TSHR: variants seen among roughly 807,000 people sequenced by gnomAD.
The protein encoded by TSHR is thyroid stimulating hormone receptor, also known as thyrotropin receptor.
Under a neutral mutation model 64.1 loss-of-function variants are expected in TSHR, and 51 were observed. That is an observed-to-expected ratio of 0.80 (90% confidence interval 0.64 to 1.01). The LOEUF is 1.01. Ranked by LOEUF, TSHR falls within the 50% of genes least tolerant of loss-of-function variation. TSHR has a pLI of 0.00. For synonymous variants in TSHR, 361 were observed against 361.9 expected, an observed-to-expected ratio of 1.00 and a Z score of 0.03; for missense variants, 877 against 942.8, an observed-to-expected ratio of 0.93 and a Z score of 0.91.
At chr14:80,974,870 G>A (rs1381230408) in intron 1 of TSHR, among the ~76,000 whole-genome samples, 1 of 152,218 alleles carries the variant, frequency 6.6e-6, no homozygotes, top group East Asian at 1.9e-4. Context: ...TCACGGTGAA[G>A]AGCAGAGGAC....
At chr14:81,083,275 A>T (rs1888043219) in intron 3 of TSHR, among the ~76,000 whole-genome samples, 1 of 152,244 alleles carries the variant, frequency 6.6e-6, no homozygotes, top group Admixed American at 6.5e-5. Context: ...CCCAGAATGT[A>T]GACATGTGAT....
intron 7 of TSHR, among the ~76,000 whole-genome samples, chr14:81,105,357 C>T (rs555717522): frequency 1.9e-4 from 29 of 152,332 alleles, no homozygotes; most frequent in Non-Finnish European, 3.4e-4. Flanking sequence ...GCAAGAGCAG[C>T]AAGCTGATGC....
At chr14:81,024,130 C>G (rs1330143168) in intron 1 of TSHR, among the ~76,000 whole-genome samples, 1 of 152,144 alleles carries the variant, frequency 6.6e-6, no homozygotes, top group African/African-American at 2.4e-5. Flanking sequence ...ATCACACCAT[C>G]TTTTGCTGGC....
chr14:81,043,551 C>T (rs1041656417), intron 1 of TSHR, among the ~76,000 whole-genome samples: 3 of 152,138 alleles, frequency 2.0e-5, no homozygotes, highest in Middle Eastern at 3.2e-3. Context: ...CATTAAACTA[C>T]CATTGACATG....
At chr14:81,071,500 T>G (rs1005991532) in intron 3 of TSHR, among the ~76,000 whole-genome samples, 1 of 152,212 alleles carries the variant, frequency 6.6e-6, no homozygotes, top group Non-Finnish European at 1.5e-5. Flanking sequence ...TTGGGACATC[T>G]TCATCCTTTG....
intron 8 of TSHR, among the ~76,000 whole-genome samples, chr14:81,111,527 G>A (rs1280514467): frequency 2.0e-5 from 3 of 152,174 alleles, no homozygotes; most frequent in African/African-American, 7.2e-5. Context: ...GTCTTGGTGT[G>A]GCTTGCAAGG....
chr14:81,001,317 T>A (rs890160067), intron 1 of TSHR: 3 of 281,922 alleles, frequency 1.1e-5, no homozygotes, highest in Non-Finnish European at 2.1e-5. Flanking sequence ...AGATTACTTC[T>A]CTTCAGGTTT....
chr14:81,046,548 A>G (rs564616049), intron 1 of TSHR, among the ~76,000 whole-genome samples: 1 of 152,044 alleles, frequency 6.6e-6, no homozygotes, highest in East Asian at 1.9e-4. Flanking sequence ...TCAATTACCC[A>G]TATGACAATA....
chr14:81,002,037 T>G (rs1403633437), intron 1 of TSHR, among the ~76,000 whole-genome samples: 1 of 152,170 alleles, frequency 6.6e-6, no homozygotes, highest in African/African-American at 2.4e-5. Flanking sequence ...CAACCTACAT[T>G]GCAGCAGAAT....
intron 1 of TSHR, chr14:81,032,418 T>C (rs1229519419): frequency 3.8e-6 from 1 of 263,706 alleles, no homozygotes; most frequent in African/African-American, 2.3e-5. Context: ...GTCAAAATGG[T>C]TCCAATCGCC....
At chr14:81,008,496 C>G (rs926256175) in intron 1 of TSHR, among the ~76,000 whole-genome samples, 54 of 152,222 alleles carry the variant, frequency 3.5e-4, no homozygotes, top group African/African-American at 1.3e-3. Flanking sequence ...CTAGAACCAA[C>G]AGGTAAAATT....
intron 8 of TSHR, among the ~76,000 whole-genome samples, chr14:81,136,289 T>C (rs1168272074): frequency 1.3e-5 from 2 of 152,238 alleles, no homozygotes; most frequent in Non-Finnish European, 2.9e-5. Context: ...TAAGAGATAA[T>C]GTTAGCTTGG....
chr14:81,135,370 G>C (rs1891412593), intron 8 of TSHR, among the ~76,000 whole-genome samples: 1 of 152,138 alleles, frequency 6.6e-6, no homozygotes, highest in Non-Finnish European at 1.5e-5. Context: ...GTTTTAGAAA[G>C]GACATTCTTT....
chr14:80,999,520 T>A (rs993206453), intron 1 of TSHR, among the ~76,000 whole-genome samples: 1 of 152,218 alleles, frequency 6.6e-6, no homozygotes, highest in African/African-American at 2.4e-5. Context: ...TTTCTCTCAG[T>A]TTTGTAACAT....
intron 3 of TSHR, among the ~76,000 whole-genome samples, chr14:81,074,229 A>T (rs1887325724): frequency 6.6e-6 from 1 of 152,214 alleles, no homozygotes; most frequent in Admixed American, 6.5e-5. Flanking sequence ...AATATCTTAA[A>T]GATTTAAAGG....
At chr14:81,137,193 T>C (rs1398713676) in intron 8 of TSHR, among the ~76,000 whole-genome samples, 1 of 152,340 alleles carries the variant, frequency 6.6e-6, no homozygotes, top group African/African-American at 2.4e-5. Flanking sequence ...GGAATGTGTC[T>C]CAATCTGTAT....
At chr14:80,978,837 C>A (rs1296180797) in intron 1 of TSHR, among the ~76,000 whole-genome samples, 1 of 152,172 alleles carries the variant, frequency 6.6e-6, no homozygotes, top group Non-Finnish European at 1.5e-5. Flanking sequence ...CTTCCTCTAC[C>A]TATCATTTAA....
intron 8 of TSHR, among the ~76,000 whole-genome samples, chr14:81,123,840 TG>T (rs1197600923): frequency 6.6e-6 from 1 of 152,238 alleles, no homozygotes; most frequent in African/African-American, 2.4e-5. Flanking sequence ...TTTTATTGAT[TG>T]ATTTTTAATC....
intron 1 of TSHR, among the ~76,000 whole-genome samples, chr14:81,023,797 A>G (rs1594965261): frequency 6.6e-6 from 1 of 152,068 alleles, no homozygotes; most frequent in Non-Finnish European, 1.5e-5. Flanking sequence ...CTTATCATAA[A>G]CCGAACTGCA....
Sources: gnomAD v4.1 joint callset for allele counts (sites outside exome capture counted in the v4.1 genomes callset) on GRCh38, gnomAD v4.1.1 for gene constraint, MANE v1.5 for transcripts, NCBI Gene and HGNC (gene_info 2026-07-23, HGNC 2026-07-21) for gene names.